The following PTPN4 variants were observed in gnomAD, a reference collection of about 807,000 sequenced individuals.
PTPN4 encodes the protein tyrosine-protein phosphatase non-receptor type 4.
Under a neutral mutation model 135.5 loss-of-function variants are expected in PTPN4, and 49 were observed. The ratio of observed to expected loss-of-function variants is 0.36; its 90% confidence interval spans 0.29 to 0.46. The LOEUF (loss-of-function observed/expected upper bound fraction) is 0.46, where lower values mean the gene tolerates loss of function less well. Ranked by LOEUF, PTPN4 falls within the 20% of genes least tolerant of loss-of-function variation. The pLI is 1.00. For synonymous variants in PTPN4, 333 were observed against 369.9 expected, an observed-to-expected ratio of 0.90 and a Z score of 1.14; for missense variants, 860 against 1,101.0, an observed-to-expected ratio of 0.78 and a Z score of 3.10.
intron 18 of PTPN4, among the ~76,000 whole-genome samples, chr2:119,950,175 A>T (rs561293628): frequency 1.7e-4 from 26 of 152,312 alleles, no homozygotes; most frequent in Non-Finnish European, 3.2e-4. Context: ...TGTCTGCTAT[A>T]GCCCATTATT....
chr2:119,802,095 G>A (rs1691387053), intron 1 of PTPN4, among the ~76,000 whole-genome samples: 1 of 151,906 alleles, frequency 6.6e-6, no homozygotes, highest in Non-Finnish European at 1.5e-5. Context: ...AGGAGAGACG[G>A]GGTTTCACCC....
intron 12 of PTPN4, among the ~76,000 whole-genome samples, chr2:119,923,594 T>C (rs926326376): frequency 6.6e-6 from 1 of 152,134 alleles, no homozygotes; most frequent in Non-Finnish European, 1.5e-5. Flanking sequence ...TGAAAACATT[T>C]ATTAAGTAGT....
intron 11 of PTPN4, among the ~76,000 whole-genome samples, chr2:119,917,683 C>T (rs1317047886): frequency 1.3e-5 from 2 of 151,828 alleles, no homozygotes; most frequent in Non-Finnish European, 2.9e-5. Flanking sequence ...GAGCCAATAT[C>T]GCACCACTGT....
rs538791361 is a variant in PTPN4, at chr2:119,867,802, A to G, written c.246+5159A>G. On this transcript the variant is annotated intron_variant, in intron 3 of 26. Coordinates refer to ENST00000263708, the MANE Select transcript of PTPN4 (RefSeq NM_002830.4). ...GACCTTGCTAATACACATTACTGTT[A>G]GTAGTTGTTTTCATTGATTCCTTAG... Among the ~76,000 whole-genome samples, 4 of 152,320 alleles carry G rather than the reference A, an allele frequency of 2.6e-5. No individual in the cohort carries two copies. The South Asian group carries it at 8.3e-4, about 32-fold the overall frequency.
intron 2 of PTPN4, among the ~76,000 whole-genome samples, chr2:119,823,235 CTT>C (rs904685057): frequency 3.9e-4 from 54 of 139,492 alleles, no homozygotes; most frequent in Admixed American, 4.3e-4. Context: ...TCATCTGTTT[CTT>C]TTTTTTTTTT....
chr2:119,848,401 C>T (rs1677539464), intron 2 of PTPN4, among the ~76,000 whole-genome samples: 1 of 152,018 alleles, frequency 6.6e-6, no homozygotes, highest in African/African-American at 2.4e-5. Flanking sequence ...TCTCAATCTC[C>T]TGACCTCGTG....
intron 2 of PTPN4, among the ~76,000 whole-genome samples, chr2:119,817,315 A>G (rs1677002158): frequency 6.6e-6 from 1 of 150,966 alleles, no homozygotes; most frequent in Admixed American, 6.6e-5. Flanking sequence ...TTGAATACAG[A>G]ATCCTTTCCC....
At chr2:119,788,076 T>A (rs1691077563) in intron 1 of PTPN4, among the ~76,000 whole-genome samples, 1 of 152,216 alleles carries the variant, frequency 6.6e-6, no homozygotes, top group Non-Finnish European at 1.5e-5. Flanking sequence ...TTAAAGTTTA[T>A]TTTGGTTTAT....
rs150174074 is a variant in PTPN4, at chr2:119,979,633, A to C, written c.*2563A>C. The C allele has an allele frequency of 6.6e-6, 1 of 152,154 alleles. No individual in the cohort carries two copies. Among genetic ancestry groups the C allele is most frequent in the Non-Finnish European group, 1.5e-5 (1 of 67,984 alleles). The allele number at this position is 152,154 out of a possible 1,614,324, so 9.4% of individuals were successfully genotyped here. On this transcript the variant is annotated 3_prime_UTR_variant, in exon 27 of 27. Coordinates refer to ENST00000263708, the MANE Select transcript of PTPN4 (RefSeq NM_002830.4). ...CTTTTTAACCTGTATATCAATCTAAATAGGTTTCTAGAAATAATCCTAGCT... is the reference window on the plus strand; with the variant it reads ...CTTTTTAACCTGTATATCAATCTAACTAGGTTTCTAGAAATAATCCTAGCT...
intron 2 of PTPN4, among the ~76,000 whole-genome samples, chr2:119,854,855 C>T (rs939343180): frequency 6.6e-6 from 1 of 152,092 alleles, no homozygotes; most frequent in African/African-American, 2.4e-5. Flanking sequence ...TCTTTAAGTA[C>T]CTGTATGTTT....
At chr2:119,932,382 A>G in intron 13 of PTPN4, 42 bp from the exon 14 acceptor site, 1 of 1,503,296 alleles carries the variant, frequency 6.7e-7, no homozygotes, top group Non-Finnish European at 9.0e-7. Flanking sequence ...TTTGGGGTAT[A>G]AAAATAAAAC....
At chr2:119,949,761 T>C (rs953945127) in intron 18 of PTPN4, among the ~76,000 whole-genome samples, 1 of 152,076 alleles carries the variant, frequency 6.6e-6, no homozygotes, top group Non-Finnish European at 1.5e-5. Context: ...GAGGATCACT[T>C]GAGCCCAGGA....
intron 3 of PTPN4, 91 bp from the exon 4 acceptor site, chr2:119,877,232 G>T: frequency 7.2e-7 from 1 of 1,391,664 alleles, no homozygotes; most frequent in South Asian, 1.5e-5. Context: ...GCAGCTTTTA[G>T]CATTAATCTC....
chr2:119,849,593 G>A (rs1001051802), intron 2 of PTPN4, among the ~76,000 whole-genome samples: 6 of 152,264 alleles, frequency 3.9e-5, no homozygotes, highest in South Asian at 2.1e-4. Context: ...GTGAGCCACC[G>A]CATCCAAGCA....
chr2:119,948,297 A>T (rs1679164880), intron 18 of PTPN4, among the ~76,000 whole-genome samples: 2 of 152,184 alleles, frequency 1.3e-5, no homozygotes, highest in Admixed American at 6.5e-5. Context: ...AAATACAGAA[A>T]GATATATCTA....
intron 10 of PTPN4, among the ~76,000 whole-genome samples, chr2:119,902,926 A>G (rs1478108654): frequency 6.6e-6 from 1 of 152,136 alleles, no homozygotes; most frequent in African/African-American, 2.4e-5. Flanking sequence ...GGCAGTTGCA[A>G]CACAATGCCA....
At chr2:119,968,510 G>A (rs569120052) in intron 26 of PTPN4, among the ~76,000 whole-genome samples, 11 of 152,226 alleles carry the variant, frequency 7.2e-5, no homozygotes, top group African/African-American at 2.2e-4. Context: ...TGCAGCGGCC[G>A]GGCGCGGTAG....
chr2:119,932,318 G>A, intron 13 of PTPN4, 106 bp from the exon 14 acceptor site: 1 of 1,134,494 alleles, frequency 8.8e-7, no homozygotes, highest in Non-Finnish European at 1.2e-6. Flanking sequence ...AACTCTTTAT[G>A]TTGCTCATCT....
chr2:119,895,587 C>G (rs919335008), intron 9 of PTPN4, among the ~76,000 whole-genome samples: 2 of 151,806 alleles, frequency 1.3e-5, no homozygotes, highest in Non-Finnish European at 2.9e-5. Context: ...TGCAGTGAGT[C>G]GAGATCGCGC....
Sources: gnomAD v4.1 joint callset for allele counts (sites outside exome capture counted in the v4.1 genomes callset) on GRCh38, gnomAD v4.1.1 for gene constraint, MANE v1.5 for transcripts, NCBI Gene and HGNC (gene_info 2026-07-23, HGNC 2026-07-21) for gene names.